NUTM2A: variants seen among roughly 807,000 people sequenced by gnomAD.
The protein encoded by NUTM2A is NUT family member 2A, also known as family with sequence similarity 22, member A.
A neutral mutation model predicts 24.4 loss-of-function variants in NUTM2A; 3 were observed. That is an observed-to-expected ratio of 0.12 (90% CI 0.06 to 0.32). The LOEUF is 0.32. Ranked by LOEUF, NUTM2A falls within the 10% of genes least tolerant of loss-of-function variation. The pLI, the probability that NUTM2A is intolerant of heterozygous loss-of-function variation, is 1.00. For missense variants in NUTM2A, 39 were observed against 631.1 expected, an observed-to-expected ratio of 0.06 and a Z score of 10.05; for synonymous variants, 11 against 278.4, an observed-to-expected ratio of 0.04 and a Z score of 9.56.
At position 87,228,901 on chromosome 10, in the gene NUTM2A, C is replaced by T. The variant is rs1246500872; in HGVS notation, c.1021C>T (p.Pro341Ser). 5 of 1,196,744 alleles carry T rather than the reference C, an allele frequency of 4.2e-6. No individual in the cohort carries two copies. Among genetic ancestry groups the T allele is most frequent in the Admixed American group, 3.6e-5 (2 of 56,148 alleles). 74.1% of individuals were successfully genotyped at this position (1,196,744 alleles called of 1,614,324 possible). Residue 341 changes from proline (P) to serine (S), a missense_variant, in exon 2 of 7, where the codon CCC (proline) becomes TCC (serine). By Grantham distance (74) the Pro-to-Ser change is moderately conservative. Coordinates refer to ENST00000381707, the MANE Select transcript of NUTM2A (RefSeq NM_001099338.2). ...ENFRLWQHYK[P>S]LARRHLPQSP... Reference sequence around the variant, plus strand: ...CTTCCGACTCTGGCAGCACTACAAGCCCCTGGCCCGGAGGCACCTTCCCCA... The same window carrying T: ...CTTCCGACTCTGGCAGCACTACAAGTCCCTGGCCCGGAGGCACCTTCCCCA...
rs1849343462 is a variant in NUTM2A at position 87,228,725 on chromosome 10, C to T, written c.845C>T (p.Pro282Leu). The T allele has an allele frequency of 1.1e-6, 1 of 927,218 alleles. No homozygotes were observed. Among genetic ancestry groups the T allele is most frequent in the African/African-American group, 1.8e-5 (1 of 56,308 alleles). 57.4% of individuals were successfully genotyped at this position (927,218 alleles called of 1,614,324 possible). ...GWSQGLPLPP[P>L]PPPAAQLPPI... ...TCCCAGGGCCTTCCTCTTCCACCAC[C>T]ACCACCACCGGCTGCCCAGCTGCCC... is the stretch of plus-strand genomic sequence containing the variant. Residue 282 changes from proline (P) to leucine (L), a missense_variant, in exon 2 of 7, where the codon CCA becomes CTA. Transcript: ENST00000381707.
chr10:87,229,176 G>GT (rs1564626698), intron 2 of NUTM2A, among the ~76,000 whole-genome samples: 1 of 152,156 alleles, frequency 6.6e-6, no homozygotes, highest in Non-Finnish European at 1.5e-5. Flanking sequence ...TCACTGTCCC[G>GT]TGAGTCCAGC....
chr10:87,229,324 T>C (rs1319191168), intron 2 of NUTM2A, among the ~76,000 whole-genome samples: 2 of 152,228 alleles, frequency 1.3e-5, no homozygotes, highest in Non-Finnish European at 2.9e-5. Context: ...TAACCCAGTA[T>C]TGATGGCCAG....
intron 2 of NUTM2A, among the ~76,000 whole-genome samples, 170 bp downstream of exon 2, chr10:87,229,132 G>A (rs1306994145): frequency 1.3e-5 from 2 of 152,204 alleles, no homozygotes; most frequent in African/African-American, 4.8e-5. Flanking sequence ...TGCGGCTCAG[G>A]ACAGACTGTC....
intron 2 of NUTM2A, among the ~76,000 whole-genome samples, chr10:87,229,395 C>A (rs1413848796): frequency 6.6e-6 from 1 of 152,238 alleles, no homozygotes; most frequent in Non-Finnish European, 1.5e-5. Context: ...CTGACACATG[C>A]CCGCAGTTCC....
Position 87,234,966 on chromosome 10 carries a change from T to C in NUTM2A, c.*258T>C. On this transcript the variant is annotated 3_prime_UTR_variant, in exon 7 of 7. Transcript: ENST00000381707. Reference sequence around the variant, plus strand: ...CGTGTGTAAGTGTGAATAAATGTAGTTGTCTTGGAAAATGCTCTTGGGGCT... The same window carrying C: ...CGTGTGTAAGTGTGAATAAATGTAGCTGTCTTGGAAAATGCTCTTGGGGCT... The C allele has an allele frequency of 1.3e-6, 2 of 1,489,258 alleles. No individual in the cohort carries two copies. The highest frequency in any genetic ancestry group is 2.2e-5 in the Admixed American group (1 of 45,604). 92.3% of individuals were successfully genotyped at this position (1,489,258 alleles called of 1,614,324 possible). A position where few individuals can be genotyped will look rare whatever the true frequency, so the allele number is the denominator to read the frequency against.
Position 87,232,039 on chromosome 10 carries a change from TGAG to T in NUTM2A, c.1237_1239del (p.Glu413del). Reference sequence around the variant, plus strand: ...CCGCCAGGTTCCTGGAGTTTGAGGCTGAGGAGGAGATGCAGATTCAGAAATCGC... The same window carrying T: ...CCGCCAGGTTCCTGGAGTTTGAGGCTGAGGAGATGCAGATTCAGAAATCGC... On this transcript the variant is annotated inframe_deletion, in exon 4 of 7. Coordinates refer to ENST00000381707, the MANE Select transcript of NUTM2A (RefSeq NM_001099338.2). 2 of 196,468 alleles carry T rather than the reference TGAG, an allele frequency of 1.0e-5. No individual in the cohort carries two copies. The highest frequency in any genetic ancestry group is 1.6e-4 in the African/African-American group (1 of 6,408). 12.2% of individuals were successfully genotyped at this position (196,468 alleles called of 1,614,324 possible).
Position 87,228,819 on chromosome 10 carries a change from C to T in NUTM2A, c.939C>T (p.Ser313=), listed in dbSNP as rs1157387321. The part of the protein sequence containing the change: ...QGAHGEGSLA[S]SQAKAPPDDS... Reference sequence around the variant, plus strand: ...CTCACGGAGAGGGCAGCCTGGCTTCCTCCCAGGCCAAGGCCCCGCCAGATG... The same window carrying T: ...CTCACGGAGAGGGCAGCCTGGCTTCTTCCCAGGCCAAGGCCCCGCCAGATG... The change falls in exon 2 of 7, where the codon TCC becomes TCT. Residue 313 remains serine (S), a synonymous_variant. Coordinates refer to ENST00000381707, the MANE Select transcript of NUTM2A (RefSeq NM_001099338.2). 1.5e-6 allele frequency: 2 copies of T among 1,302,214 alleles called. No individual in the cohort carries two copies. The highest frequency in any genetic ancestry group is 2.3e-5 in the East Asian group (1 of 44,256). 80.7% of individuals were successfully genotyped at this position (1,302,214 alleles called of 1,614,324 possible).
intron 2 of NUTM2A, among the ~76,000 whole-genome samples, chr10:87,229,215 C>G (rs1228592067): frequency 6.6e-6 from 1 of 152,202 alleles, no homozygotes; most frequent in Admixed American, 6.5e-5. Flanking sequence ...ATTTTCACAA[C>G]AATGTTTACA....
chr10:87,229,645 G>C (rs1248720395), intron 2 of NUTM2A, among the ~76,000 whole-genome samples: 1 of 152,176 alleles, frequency 6.6e-6, no homozygotes, highest in Admixed American at 6.5e-5. Context: ...TATGATTACT[G>C]TCCCCATTAC....
chr10:87,229,533 T>C (rs1388388936), intron 2 of NUTM2A, among the ~76,000 whole-genome samples: 1 of 152,240 alleles, frequency 6.6e-6, no homozygotes, highest in Non-Finnish European at 1.5e-5. Flanking sequence ...AAAGGGACAA[T>C]GATGCTTCAT....
intron 4 of NUTM2A, 46 bp from the exon 5 acceptor site, chr10:87,232,554 CAGG>C: frequency 1.2e-6 from 1 of 816,680 alleles, no homozygotes. Context: ...GTGGTGCCAG[CAGG>C]AGGAGCGGCC....
intron 4 of NUTM2A, among the ~76,000 whole-genome samples, 175 bp from the exon 5 acceptor site, chr10:87,232,428 C>T (rs1394636007): frequency 1.3e-5 from 2 of 149,796 alleles, no homozygotes; most frequent in African/African-American, 4.9e-5. Context: ...CAAACTTCCT[C>T]CCAAGCGATG....
chr10:87,228,921 T>A lies in NUTM2A; in HGVS notation c.1041T>A (p.Leu347=). ...QHYKPLARRH[L]PQSPDTEALS... is the part of the protein sequence containing the mutation. Reference sequence around the variant, plus strand: ...ACAAGCCCCTGGCCCGGAGGCACCTTCCCCAGAGTCCTGACACCGAAGCGC... The same window carrying A: ...ACAAGCCCCTGGCCCGGAGGCACCTACCCCAGAGTCCTGACACCGAAGCGC... Residue 347 remains leucine (L), a synonymous_variant, in exon 2 of 7, where the codon CTT becomes CTA. Transcript: ENST00000381707. 8.2e-7 allele frequency: 1 copy of A among 1,219,470 alleles called. No individual in the cohort carries two copies. Among genetic ancestry groups the A allele is most frequent in the Non-Finnish European group, 1.2e-6 (1 of 833,564 alleles). The allele number at this position is 1,219,470 out of a possible 1,614,324, so 75.5% of individuals were successfully genotyped here. A position where few individuals can be genotyped will look rare whatever the true frequency, so the allele number is the denominator to read the frequency against.
rs1203474472 is a variant in NUTM2A at position 87,230,527 on chromosome 10, G to A, written c.1083-393G>A. ...CCTCGTGGCTGAGAGCAAGAGCCCT[G>A]GCGTCTCCTTCTGCCCTTATCAGGG... On this transcript the variant is annotated intron_variant, in intron 2 of 6. Coordinates refer to ENST00000381707, the MANE Select transcript of NUTM2A (RefSeq NM_001099338.2). Among the ~76,000 whole-genome samples, 2 of 9,964 alleles carry A rather than the reference G, an allele frequency of 2.0e-4. 1 individual carries two copies. Among genetic ancestry groups the A allele is most frequent in the African/African-American group, 3.0e-4 (2 of 6,606 alleles). The allele number at this position is 9,964 out of a possible 152,430, so 6.5% of individuals were successfully genotyped here.
In NUTM2A at chr10:87,228,700, TC is replaced by T; in HGVS notation, c.823del (p.Gln275ArgfsTer100). 1 of 1,041,312 alleles carries T rather than the reference TC, an allele frequency of 9.6e-7. No homozygotes were observed. The highest frequency in any genetic ancestry group is 1.4e-6 in the Non-Finnish European group (1 of 732,534). 64.5% of individuals were successfully genotyped at this position (1,041,312 alleles called of 1,614,324 possible). On this transcript the variant is annotated frameshift_variant, in exon 2 of 7. Coordinates refer to ENST00000381707, the MANE Select transcript of NUTM2A (RefSeq NM_001099338.2). LOFTEE classifies it high-confidence loss of function. ...GGTQACEGGW[S>X]QGLPLPPPPP... The stretch of plus-strand genomic sequence containing the variant: ...CACCCAGGCCTGTGAGGGAGGCTGG[TC>T]CCAGGGCCTTCCTCTTCCACCACCA...
Position 87,232,129 on chromosome 10 carries a change from AC to A in NUTM2A, c.1325del (p.Pro442ArgfsTer34). The A allele has an allele frequency of 4.2e-6, 1 of 240,230 alleles. No individual in the cohort carries two copies. Among genetic ancestry groups the A allele is most frequent in the East Asian group, 4.5e-5 (1 of 22,314 alleles). 14.9% of individuals were successfully genotyped at this position (240,230 alleles called of 1,614,324 possible). A position where few individuals can be genotyped will look rare whatever the true frequency, so the allele number is the denominator to read the frequency against. On this transcript the variant is annotated frameshift_variant, in exon 4 of 7. Coordinates refer to ENST00000381707, the MANE Select transcript of NUTM2A (RefSeq NM_001099338.2). LOFTEE classifies it high-confidence loss of function. ...CCACACCGAGGCTTGAACCTCGAGGACCCCCGGCCCCTGAGGTGGTCAAGCA... is the reference window on the plus strand; with the variant it reads ...CCACACCGAGGCTTGAACCTCGAGGACCCCGGCCCCTGAGGTGGTCAAGCA... ...PATPRLEPRG[P>X]PAPEVVKQPV... is the part of the protein sequence containing the mutation.
At chr10:87,229,705 G>A (rs1849362255) in intron 2 of NUTM2A, among the ~76,000 whole-genome samples, 1 of 151,740 alleles carries the variant, frequency 6.6e-6, no homozygotes, top group Non-Finnish European at 1.5e-5. Context: ...CAAAGCCACG[G>A]GCTCCAGTGA....
At chr10:87,233,199 A>T (rs1282415342) in intron 5 of NUTM2A, among the ~76,000 whole-genome samples, 1 of 94,586 alleles carries the variant, frequency 1.1e-5, no homozygotes, top group Non-Finnish European at 2.2e-5. Flanking sequence ...TGTGGGTGTG[A>T]GTGTGGAGTG....
Sources: gnomAD v4.1 joint callset for allele counts (sites outside exome capture counted in the v4.1 genomes callset) on GRCh38, gnomAD v4.1.1 for gene constraint, MANE v1.5 for transcripts, NCBI Gene and HGNC (gene_info 2026-07-23, HGNC 2026-07-21) for gene names.